MGAT5: variants seen among roughly 807,000 people sequenced by gnomAD.
MGAT5 encodes the protein alpha-1,6-mannosylglycoprotein 6-beta-N-acetylglucosaminyltransferase.
In MGAT5, 30 loss-of-function variants were observed where a neutral mutation model predicts 94.3. That is an observed-to-expected ratio of 0.32 (90% confidence interval 0.24 to 0.43). MGAT5 has a LOEUF of 0.43. MGAT5 is among the 20% of genes least tolerant of loss of function. The pLI, the probability that MGAT5 is intolerant of heterozygous loss-of-function variation, is 1.00. For synonymous variants in MGAT5, 310 were observed against 322.9 expected (o/e 0.96, Z 0.43); for missense variants, 691 against 905.5 (o/e 0.76, Z 3.04).
rs759550438 is a variant in MGAT5 at position 134,428,445 on chromosome 2, G to A, written c.1869+6G>A. ...ATGCTTTCATTGAAAAACAGGTAAG[G>A]CTTATCAGAAGTCAGTCTGTCTTTG... On this transcript the variant is annotated splice_donor_region_variant and intron_variant, in intron 14 of 15. Coordinates refer to ENST00000281923, the MANE Select transcript of MGAT5 (RefSeq NM_002410.5). 1.9e-6 allele frequency: 3 copies of A among 1,613,118 alleles called. No individual in the cohort carries two copies. The South Asian group carries it at 3.3e-5, about 18-fold the overall frequency.
At chr2:134,399,456 C>T (rs1219625147) in intron 10 of MGAT5, among the ~76,000 whole-genome samples, 2 of 152,214 alleles carry the variant, frequency 1.3e-5, no homozygotes, top group African/African-American at 4.8e-5. Context: ...CTTTGCATCT[C>T]CTCCCCTCAA....
At chr2:134,345,872 A>G (rs550752105) in intron 8 of MGAT5, among the ~76,000 whole-genome samples, 64 of 152,288 alleles carry the variant, frequency 4.2e-4, no homozygotes, top group African/African-American at 1.4e-3. Context: ...TAAAGGTTAT[A>G]TGCTTTTTTT....
Position 134,452,533 on chromosome 2 carries a change from G to A in MGAT5, c.*3686G>A, listed in dbSNP as rs1217307984. On this transcript the variant is annotated 3_prime_UTR_variant, in exon 16 of 16. Coordinates refer to ENST00000281923, the MANE Select transcript of MGAT5 (RefSeq NM_002410.5). ...CAGCTCACTGACAGGGTTGACATCA[G>A]TATGATGTGTTGGACTGAAACTGTA... 1 of 152,220 alleles carries A rather than the reference G, an allele frequency of 6.6e-6. No homozygotes were observed. The highest frequency in any genetic ancestry group is 1.5e-5 in the Non-Finnish European group (1 of 68,038). The allele number at this position is 152,220 out of a possible 1,614,324, so 9.4% of individuals were successfully genotyped here. A position where few individuals can be genotyped will look rare whatever the true frequency, so the allele number is the denominator to read the frequency against.
chr2:134,196,046 T>A (rs1324954610), intron 1 of MGAT5, among the ~76,000 whole-genome samples: 1 of 152,218 alleles, frequency 6.6e-6, no homozygotes, highest in African/African-American at 2.4e-5. Flanking sequence ...AGCAACTTTT[T>A]CCCCAACATA....
intron 1 of MGAT5, among the ~76,000 whole-genome samples, chr2:134,171,553 G>C (rs1688209095): frequency 6.6e-6 from 1 of 152,170 alleles, no homozygotes; most frequent in Non-Finnish European, 1.5e-5. Flanking sequence ...GCCTCTGGGT[G>C]TCGAAGTGAT....
chr2:134,129,468 C>G (rs539514458), intron 1 of MGAT5, among the ~76,000 whole-genome samples: 1 of 152,260 alleles, frequency 6.6e-6, no homozygotes, highest in African/African-American at 2.4e-5. Flanking sequence ...TTGGGGGCCC[C>G]TTTTCTGCCT....
intron 1 of MGAT5, among the ~76,000 whole-genome samples, chr2:134,142,173 G>A (rs74896864): frequency 6.6e-6 from 1 of 152,316 alleles, no homozygotes; most frequent in African/African-American, 2.4e-5. Flanking sequence ...GTGTTCCCAT[G>A]TGAGTGCAAA....
intron 10 of MGAT5, among the ~76,000 whole-genome samples, chr2:134,369,969 T>G (rs1336162125): frequency 1.3e-5 from 2 of 152,132 alleles, no homozygotes; most frequent in Non-Finnish European, 2.9e-5. Context: ...TGGCATAGAT[T>G]TGGCTTTTGG....
At chr2:134,368,991 C>T (rs1358192516) in intron 10 of MGAT5, among the ~76,000 whole-genome samples, 1 of 152,148 alleles carries the variant, frequency 6.6e-6, no homozygotes, top group African/African-American at 2.4e-5. Context: ...TGTTTATTCC[C>T]TTTATATCAT....
intron 1 of MGAT5, among the ~76,000 whole-genome samples, chr2:134,189,602 GTTTTTTTTTT>G (rs912983981): frequency 3.5e-5 from 3 of 84,672 alleles, no homozygotes; most frequent in Non-Finnish European, 6.9e-5. Flanking sequence ...GTTTTTTTTT[GTTTTTTTTTT>G]TTTTTTTTAA....
Position 134,209,145 on chromosome 2 carries a change from T to A in MGAT5, c.-142-45117T>A, listed in dbSNP as rs1302697101. On this transcript the variant is annotated intron_variant, in intron 1 of 16. Transcript: ENST00000409645. ...GATTGTATATAGAACTGGCTTATTTTTTTTTTATTTTTTTTTTTTTTTTTA... is the reference window on the plus strand; with the variant it reads ...GATTGTATATAGAACTGGCTTATTTATTTTTTATTTTTTTTTTTTTTTTTA... 5.5e-3 allele frequency among the ~76,000 whole-genome samples: 224 copies of A among 40,944 alleles called. 35 individuals are homozygous for A. Among genetic ancestry groups the A allele is most frequent in the Non-Finnish European group, 6.1e-3 (172 of 28,290 alleles). 26.9% of individuals were successfully genotyped at this position (40,944 alleles called of 152,430 possible).
chr2:134,295,451 T>C (rs1262118882), intron 2 of MGAT5, among the ~76,000 whole-genome samples: 1 of 152,200 alleles, frequency 6.6e-6, no homozygotes, highest in African/African-American at 2.4e-5. Flanking sequence ...AAATAAGTTA[T>C]AATTGGAAAA....
intron 1 of MGAT5, among the ~76,000 whole-genome samples, chr2:134,171,646 C>T (rs1688215079): frequency 6.6e-6 from 1 of 152,080 alleles, no homozygotes; most frequent in African/African-American, 2.4e-5. Flanking sequence ...AAACGGAGAA[C>T]CAAAGTTCAT....
chr2:134,283,107 G>A (rs1558758725), intron 2 of MGAT5, among the ~76,000 whole-genome samples: 2 of 152,112 alleles, frequency 1.3e-5, no homozygotes, highest in South Asian at 2.1e-4. Flanking sequence ...ATGTGTTAAC[G>A]CATTGGTTCA....
In MGAT5 at chr2:134,448,530, A is replaced by G. The variant is rs1229373397; in HGVS notation, c.2028-119A>G. The G allele has an allele frequency of 1.2e-5, 11 of 909,442 alleles. 1 individual carries two copies. The Admixed American group carries it at 2.0e-4, about 16-fold the overall frequency. 56.3% of individuals were successfully genotyped at this position (909,442 alleles called of 1,614,324 possible). On this transcript the variant is annotated intron_variant, in intron 15 of 15. Coordinates refer to ENST00000281923, the MANE Select transcript of MGAT5 (RefSeq NM_002410.5). ...AGGGTGGGCACCATTTCATTTCTAA[A>G]GTAGGACAAGACAACTGAACATCCC...
At chr2:134,141,073 C>G (rs1437780502) in intron 1 of MGAT5, among the ~76,000 whole-genome samples, 1 of 152,180 alleles carries the variant, frequency 6.6e-6, no homozygotes, top group East Asian at 1.9e-4. Context: ...ATGCTGTTAT[C>G]CAGGGAATGG....
At chr2:134,430,309 A>G (rs1376692704) in intron 14 of MGAT5, among the ~76,000 whole-genome samples, 1 of 152,194 alleles carries the variant, frequency 6.6e-6, no homozygotes, top group African/African-American at 2.4e-5. Context: ...TTCTCCCCTG[A>G]GGCTCAGGAA....
chr2:134,220,405 T>A (rs1000095440), intron 1 of MGAT5, among the ~76,000 whole-genome samples: 2 of 152,170 alleles, frequency 1.3e-5, no homozygotes, highest in African/African-American at 2.4e-5. Flanking sequence ...CTGCCTTGTT[T>A]CCTGCACTAA....
At chr2:134,437,951 G>T (rs1476322901) in intron 14 of MGAT5, among the ~76,000 whole-genome samples, 1 of 150,732 alleles carries the variant, frequency 6.6e-6, no homozygotes, top group African/African-American at 2.5e-5. Context: ...GCAGAGGGAG[G>T]TTGCAGTGAA....
Sources: allele counts gnomAD v4.1 joint callset (sites outside exome capture counted in the v4.1 genomes callset), GRCh38; gene constraint gnomAD v4.1.1; transcripts MANE v1.5; gene names NCBI Gene and HGNC (gene_info 2026-07-23, HGNC 2026-07-21).